LINGO2: variants seen among roughly 807,000 people sequenced by gnomAD.
The protein encoded by LINGO2 is leucine-rich repeat and immunoglobulin-like domain-containing nogo receptor-interacting protein 2.
In LINGO2, 14 loss-of-function variants were observed where a neutral mutation model predicts 30.6. The observed-to-expected ratio is 0.46, with a 90% confidence interval of 0.30 to 0.72. LINGO2 has a LOEUF of 0.72. Among genes scored for constraint, LINGO2 ranks in the 30% least tolerant of loss-of-function variants. The probability of loss-of-function intolerance (pLI) is 0.07; values close to 1 mark genes in which losing one functional copy is unlikely to be tolerated. For synonymous variants in LINGO2, 317 were observed against 288.5 expected (o/e 1.10, Z -1.00); for missense variants, 729 against 751.7 (o/e 0.97, Z 0.35).
intron 1 of LINGO2, among the ~76,000 whole-genome samples, chr9:28,499,974 A>C (rs1353681572): frequency 6.6e-6 from 1 of 152,188 alleles, no homozygotes; most frequent in Non-Finnish European, 1.5e-5. Flanking sequence ...AAATGATCCT[A>C]GACTTGAAGG....
At chr9:28,792,371 A>G in the LINGO2 span, among the ~76,000 whole-genome samples, 4 of 152,092 alleles carry the variant, frequency 2.6e-5, no homozygotes, top group Non-Finnish European at 5.9e-5. Flanking sequence ...GCTAATCAGC[A>G]AAGGATTTAA....
rs548962797 is a variant in LINGO2, at chr9:28,519,827, G to GT, written c.-364-43803dup. 2.8e-3 allele frequency among the ~76,000 whole-genome samples: 428 copies of GT among 152,222 alleles called. 5 individuals are homozygous for GT. The highest frequency in any genetic ancestry group is 9.8e-3 in the African/African-American group (406 of 41,530). ...ATCAAATTTCCCATTTATGGATCAT[G>GT]TTTTTGGCATTGAGTCTAAGAAGTT... On this transcript the variant is annotated intron_variant, in intron 1 of 5. Coordinates refer to ENST00000379992, the Ensembl canonical transcript of LINGO2.
the LINGO2 span, among the ~76,000 whole-genome samples, chr9:28,840,317 C>T: frequency 1.3e-5 from 2 of 151,872 alleles, no homozygotes; most frequent in Non-Finnish European, 2.9e-5. Context: ...CTGCTGCAGC[C>T]GGCATCTTTG....
the LINGO2 span, among the ~76,000 whole-genome samples, chr9:29,081,828 A>G: frequency 6.6e-6 from 1 of 151,850 alleles, no homozygotes; most frequent in Admixed American, 6.6e-5. Context: ...CCCATTCACA[A>G]TTGCTTCAAA....
At chr9:28,804,156 T>C in the LINGO2 span, among the ~76,000 whole-genome samples, 1 of 152,126 alleles carries the variant, frequency 6.6e-6, no homozygotes, top group East Asian at 1.9e-4. Context: ...GCCTTCCCCA[T>C]CTCTGATGCT....
At chr9:29,089,968 ATAGT>A in the LINGO2 span, among the ~76,000 whole-genome samples, 1 of 152,088 alleles carries the variant, frequency 6.6e-6, no homozygotes, top group African/African-American at 2.4e-5. Flanking sequence ...TGTTGAATAA[ATAGT>A]TAATAACATA....
chr9:28,503,178 G>T (rs2135324072), intron 1 of LINGO2, among the ~76,000 whole-genome samples: 1 of 152,116 alleles, frequency 6.6e-6, no homozygotes, highest in East Asian at 1.9e-4. Context: ...GTTCATTACA[G>T]CCACTATGAA....
intron 2 of LINGO2, among the ~76,000 whole-genome samples, chr9:28,465,363 CT>C (rs952683675): frequency 8.5e-5 from 13 of 152,326 alleles, no homozygotes; most frequent in African/African-American, 3.1e-4. Context: ...ACCGTTGTCT[CT>C]GATGTCCAGC....
At chr9:29,142,971 T>TA in the LINGO2 span, among the ~76,000 whole-genome samples, 1 of 151,906 alleles carries the variant, frequency 6.6e-6, no homozygotes, top group East Asian at 1.9e-4. Flanking sequence ...AAATTAACAT[T>TA]AAAAAATCAG....
At chr9:28,317,814 A>G (rs953889550) in intron 3 of LINGO2, among the ~76,000 whole-genome samples, 3 of 152,138 alleles carry the variant, frequency 2.0e-5, no homozygotes, top group African/African-American at 7.2e-5. Flanking sequence ...CCTGTCTGCT[A>G]ATTTAAGTCA....
chr9:28,555,272 A>G (rs1822586465), intron 1 of LINGO2, among the ~76,000 whole-genome samples: 1 of 145,036 alleles, frequency 6.9e-6, no homozygotes. Context: ...AGAAAAAAAG[A>G]GAGAAGAATC....
chr9:28,395,488 A>G (rs1290965891), intron 2 of LINGO2, among the ~76,000 whole-genome samples: 1 of 152,102 alleles, frequency 6.6e-6, no homozygotes, highest in African/African-American at 2.4e-5. Flanking sequence ...TTCAACTATG[A>G]TATTGAAGCA....
chr9:29,188,340 G>A, the LINGO2 span, among the ~76,000 whole-genome samples: 1 of 151,864 alleles, frequency 6.6e-6, no homozygotes, highest in African/African-American at 2.4e-5. Flanking sequence ...TGGGGGTAAG[G>A]TCACAGATCA....
intron 4 of LINGO2, among the ~76,000 whole-genome samples, chr9:28,104,731 G>A (rs1054031070): frequency 4.0e-5 from 6 of 151,758 alleles, no homozygotes; most frequent in Admixed American, 2.0e-4. Flanking sequence ...ATTTAAATCC[G>A]ATTCTCCCTT....
At chr9:28,954,010 G>A in the LINGO2 span, among the ~76,000 whole-genome samples, 3 of 152,094 alleles carry the variant, frequency 2.0e-5, no homozygotes, top group East Asian at 1.9e-4. Flanking sequence ...TAAAATTACC[G>A]CTAATCTTAT....
intron 4 of LINGO2, among the ~76,000 whole-genome samples, chr9:28,289,016 C>G (rs1405587644): frequency 6.6e-6 from 1 of 152,074 alleles, no homozygotes; most frequent in African/African-American, 2.4e-5. Context: ...CTAAGCTTGG[C>G]AAATCTTTAC....
At chr9:29,045,964 AAAGC>A in the LINGO2 span, among the ~76,000 whole-genome samples, 1 of 152,068 alleles carries the variant, frequency 6.6e-6, no homozygotes, top group Non-Finnish European at 1.5e-5. Context: ...GGTACATAGG[AAAGC>A]TATTGTATAT....
intron 1 of LINGO2, among the ~76,000 whole-genome samples, chr9:28,529,657 C>A (rs1029840110): frequency 6.8e-6 from 1 of 147,474 alleles, no homozygotes; most frequent in Non-Finnish European, 1.5e-5. Context: ...GGGTTTACTG[C>A]CCTGGGAGTT....
At chr9:28,526,630 A>G (rs1400791493) in intron 1 of LINGO2, among the ~76,000 whole-genome samples, 2 of 152,152 alleles carry the variant, frequency 1.3e-5, no homozygotes, top group South Asian at 2.1e-4. Context: ...CTGCAATATT[A>G]AGGTAATAGA....
Sources: allele counts gnomAD v4.1 joint callset (sites outside exome capture counted in the v4.1 genomes callset), GRCh38; gene constraint gnomAD v4.1.1; transcripts MANE v1.5; gene names NCBI Gene and HGNC (gene_info 2026-07-23, HGNC 2026-07-21).